The following RD3 variants were observed in gnomAD, a reference collection of about 807,000 sequenced individuals.
RD3 encodes the protein RD3 regulator of GUCY2D.
In RD3, 11 loss-of-function variants were observed where a neutral mutation model predicts 16.9. That is an observed-to-expected ratio of 0.65 (90% CI 0.41 to 1.08). The LOEUF is 1.08. Ranked by LOEUF, RD3 falls within the 50% of genes least tolerant of loss-of-function variation. The probability of loss-of-function intolerance (pLI) is 0.00; values close to 1 mark genes in which losing one functional copy is unlikely to be tolerated. For synonymous variants in RD3, 116 were observed against 114.8 expected, an observed-to-expected ratio of 1.01 and a Z score of -0.07; for missense variants, 274 against 267.4, an observed-to-expected ratio of 1.02 and a Z score of -0.17.
rs1283092467 is a variant in RD3 at position 211,479,340 on chromosome 1, G to A, written c.297-13C>T. 1 of 1,595,624 alleles carries A rather than the reference G, an allele frequency of 6.3e-7. No individual in the cohort carries two copies. The highest frequency in any genetic ancestry group is 8.5e-7 in the Non-Finnish European group (1 of 1,172,120). ...CAGCTGCCGGAACCTGGGCGGGAGG[G>A]GAGGGCGCTGGGGACATTCACCCAC... is the stretch of plus-strand genomic sequence containing the variant. On this transcript the variant is annotated splice_polypyrimidine_tract_variant and intron_variant, in intron 2 of 2. Coordinates refer to ENST00000680073, the MANE Select transcript of RD3 (RefSeq NM_001164688.2).
At chr1:211,487,676 T>C (rs1400489664) in intron 1 of RD3, among the ~76,000 whole-genome samples, 1 of 152,252 alleles carries the variant, frequency 6.6e-6, no homozygotes, top group Admixed American at 6.5e-5. Context: ...GACCCCTGCC[T>C]GCAGTCCCTA....
intron 1 of RD3, among the ~76,000 whole-genome samples, chr1:211,481,933 AT>A (rs1197241307): frequency 1.3e-5 from 2 of 152,172 alleles, no homozygotes; most frequent in Non-Finnish European, 2.9e-5. Context: ...TTAGAACTCT[AT>A]GGGGTTGGCC....
chr1:211,488,691 T>C (rs370859128), intron 1 of RD3, among the ~76,000 whole-genome samples: 8 of 152,238 alleles, frequency 5.3e-5, no homozygotes, highest in Non-Finnish European at 1.0e-4. Context: ...CCTATCCATC[T>C]TGGGGTCCTT....
At chr1:211,482,955 C>T (rs1363482886) in intron 1 of RD3, among the ~76,000 whole-genome samples, 1 of 151,916 alleles carries the variant, frequency 6.6e-6, no homozygotes, top group Non-Finnish European at 1.5e-5. Flanking sequence ...GGAGGTGTCA[C>T]CTCCAGAGGA....
At position 211,479,207 on chromosome 1, in the gene RD3, C is replaced by T. The variant is rs1232346364; in HGVS notation, c.417G>A (p.Thr139=). 4 of 1,611,438 alleles carry T rather than the reference C, an allele frequency of 2.5e-6. No homozygotes were observed. The highest frequency in any genetic ancestry group is 3.4e-6 in the Non-Finnish European group (4 of 1,179,096). The change falls in exon 3 of 3, where the codon ACG becomes ACA. Residue 139 remains threonine (T), a synonymous_variant. Transcript: ENST00000680073. ...MKQEEEAHKL[T]RQWSLRPRGS... ...CGCGGGGCCGCAGGCTCCACTGGCGCGTCAGCTTGTGGGCCTCCTCTTCCT... is the reference window on the plus strand; with the variant it reads ...CGCGGGGCCGCAGGCTCCACTGGCGTGTCAGCTTGTGGGCCTCCTCTTCCT...
intron 1 of RD3, among the ~76,000 whole-genome samples, chr1:211,488,681 C>G (rs1208672588): frequency 6.6e-6 from 1 of 152,160 alleles, no homozygotes; most frequent in Non-Finnish European, 1.5e-5. Flanking sequence ...TGTTAAGACC[C>G]CTATCCATCT....
intron 1 of RD3, among the ~76,000 whole-genome samples, chr1:211,491,448 C>A (rs912713452): frequency 9.2e-5 from 14 of 152,222 alleles, no homozygotes; most frequent in Non-Finnish European, 1.5e-4. Context: ...GAGCTGGGTC[C>A]TCCCCGAGAG....
intron 1 of RD3, 27 bp downstream of exon 1, chr1:211,491,739 ACT>A (rs1385326812): frequency 6.6e-6 from 1 of 152,308 alleles, no homozygotes; most frequent in African/African-American, 2.4e-5. Flanking sequence ...TGGGGAAGAC[ACT>A]GTCTCCTGGG....
chr1:211,491,171 G>A (rs1426124222), intron 1 of RD3, among the ~76,000 whole-genome samples: 1 of 152,042 alleles, frequency 6.6e-6, no homozygotes, highest in African/African-American at 2.4e-5. Context: ...TCTCCCTGGC[G>A]CCCCACCCTG....
intron 1 of RD3, among the ~76,000 whole-genome samples, chr1:211,481,999 G>T (rs1705276428): frequency 1.3e-5 from 2 of 152,246 alleles, no homozygotes; most frequent in Non-Finnish European, 2.9e-5. Context: ...AAGATGGGCA[G>T]ATCACCTGAG....
chr1:211,478,962 GC>G lies in RD3; in HGVS notation c.*73del. The G allele has an allele frequency of 1.4e-6, 2 of 1,413,962 alleles. No individual in the cohort carries two copies. The highest frequency in any genetic ancestry group is 1.9e-6 in the Non-Finnish European group (2 of 1,064,530). 87.6% of individuals were successfully genotyped at this position (1,413,962 alleles called of 1,614,324 possible). On this transcript the variant is annotated 3_prime_UTR_variant, in exon 3 of 3. Transcript: ENST00000680073. ...CAGGCCTAGGTGGGGAGGTTCCAGGGCCCGGCGCTCCGGTCACCGGCCTATC... is the reference window on the plus strand; with the variant it reads ...CAGGCCTAGGTGGGGAGGTTCCAGGGCCGGCGCTCCGGTCACCGGCCTATC...
At chr1:211,482,986 C>A (rs1461711530) in intron 1 of RD3, among the ~76,000 whole-genome samples, 2 of 151,864 alleles carry the variant, frequency 1.3e-5, no homozygotes, top group Admixed American at 6.5e-5. Context: ...TTTAGGCCAC[C>A]CTCCCATCAC....
In RD3 at chr1:211,481,351, G is replaced by T. The variant is rs371743426; in HGVS notation, c.65C>A (p.Ala22Asp). 14 of 1,614,064 alleles carry T rather than the reference G, an allele frequency of 8.7e-6. No individual in the cohort carries two copies. In the African/African-American group the frequency reaches 1.9e-4, roughly 22 times the overall value. Reference protein sequence around the residue: ...APSRLSTRSPAEMVLETLMME... With the variant: ...APSRLSTRSPDEMVLETLMME... ...CATAAGCGTCTCCAGCACCATCTCA[G>T]CAGGGCTCCTGGTGGACAGCCGGGA... The change falls in exon 2 of 3, where the codon GCT (alanine) becomes GAT (aspartate). Residue 22 changes from alanine to aspartate, a missense_variant. By Grantham distance (126) the Ala-to-Asp change is moderately radical. Transcript: ENST00000680073.
intron 1 of RD3, among the ~76,000 whole-genome samples, chr1:211,486,678 G>A (rs906517594): frequency 2.3e-4 from 35 of 151,888 alleles, no homozygotes; most frequent in Non-Finnish European, 3.4e-4. Flanking sequence ...GTGAAATCCC[G>A]TCTCTACTAA....
In RD3 at chr1:211,480,826, A is replaced by G. The variant is rs190546524; in HGVS notation, c.296+294T>C. On this transcript the variant is annotated intron_variant, in intron 2 of 2. Coordinates refer to ENST00000680073, the MANE Select transcript of RD3 (RefSeq NM_001164688.2). ...GAGAAAAGAAGCCAGGTAAGTTAAA[A>G]TCCAGGACAATAACAATCTGGGCAG... Among the ~76,000 whole-genome samples, 631 of 152,354 alleles carry G rather than the reference A, an allele frequency of 4.1e-3. 9 individuals are homozygous for G. The highest frequency in any genetic ancestry group is 0.039 in the South Asian group (188 of 4,828).
At chr1:211,490,376 G>A (rs772066336) in intron 1 of RD3, among the ~76,000 whole-genome samples, 4 of 152,242 alleles carry the variant, frequency 2.6e-5, no homozygotes, top group Non-Finnish European at 4.4e-5. Flanking sequence ...CAGGGAACCC[G>A]GCCCGGGTCC....
At chr1:211,489,342 T>C (rs1193924394) in intron 1 of RD3, among the ~76,000 whole-genome samples, 1 of 152,076 alleles carries the variant, frequency 6.6e-6, no homozygotes, top group Non-Finnish European at 1.5e-5. Flanking sequence ...ATTTCTTTAG[T>C]TATGAATGAG....
chr1:211,487,153 T>C (rs1479010836), intron 1 of RD3, among the ~76,000 whole-genome samples: 1 of 151,664 alleles, frequency 6.6e-6, no homozygotes, highest in Non-Finnish European at 1.5e-5. Flanking sequence ...GGAACAATGG[T>C]TTTTTTCTTC....
intron 1 of RD3, among the ~76,000 whole-genome samples, chr1:211,483,032 G>A (rs1316700634): frequency 6.6e-6 from 1 of 151,950 alleles, no homozygotes; most frequent in Non-Finnish European, 1.5e-5. Flanking sequence ...GAAATGAATT[G>A]TTAAGGTAAA....
Sources: allele counts gnomAD v4.1 joint callset (sites outside exome capture counted in the v4.1 genomes callset), GRCh38; gene constraint gnomAD v4.1.1; transcripts MANE v1.5; gene names NCBI Gene and HGNC (gene_info 2026-07-23, HGNC 2026-07-21).